MAP7: variants seen among roughly 807,000 people sequenced by gnomAD.
MAP7 encodes ensconsin.
MAP7 carries 52 observed loss-of-function variants against 94.8 expected under a neutral mutation model. The observed-to-expected ratio is 0.55, with a 90% CI of 0.44 to 0.69. MAP7 has a LOEUF of 0.69. MAP7 is among the 30% of genes least tolerant of loss of function. The pLI is 0.00. For synonymous variants in MAP7, 350 were observed against 357.0 expected, an observed-to-expected ratio of 0.98 and a Z score of 0.22; for missense variants, 940 against 964.6, an observed-to-expected ratio of 0.97 and a Z score of 0.34.
chr6:136,442,080 T>C (rs1013656890), intron 1 of MAP7, among the ~76,000 whole-genome samples: 1 of 151,500 alleles, frequency 6.6e-6, no homozygotes, highest in Admixed American at 6.6e-5. Context: ...CTGCCATGAG[T>C]TTTTGGATCA....
chr6:136,497,681 C>T (rs1818676950), intron 1 of MAP7, among the ~76,000 whole-genome samples: 1 of 151,372 alleles, frequency 6.6e-6, no homozygotes, highest in Non-Finnish European at 1.5e-5. Context: ...CATCTGTAAT[C>T]CCAGCTACTC....
intron 16 of MAP7, among the ~76,000 whole-genome samples, chr6:136,352,151 CA>C (rs1789402725): frequency 6.6e-6 from 1 of 151,588 alleles, no homozygotes; most frequent in Non-Finnish European, 1.5e-5. Context: ...TTGGGTGCAA[CA>C]CTAGGGTATG....
At chr6:136,431,031 G>A (rs1794748498) in intron 1 of MAP7, among the ~76,000 whole-genome samples, 1 of 152,156 alleles carries the variant, frequency 6.6e-6, no homozygotes, top group African/African-American at 2.4e-5. Flanking sequence ...CACGCTTGAC[G>A]ATGCACTTTC....
intron 1 of MAP7, among the ~76,000 whole-genome samples, chr6:136,532,092 A>G (rs1828517457): frequency 6.6e-6 from 1 of 152,228 alleles, no homozygotes; most frequent in Non-Finnish European, 1.5e-5. Flanking sequence ...GTTCAACTGG[A>G]CAGGTACAAA....
intron 3 of MAP7, among the ~76,000 whole-genome samples, chr6:136,394,173 C>T (rs934753137): frequency 3.2e-4 from 48 of 151,862 alleles, no homozygotes; most frequent in Non-Finnish European, 6.3e-4. Flanking sequence ...TTAATAGAGA[C>T]GGGGTTTCAC....
intron 1 of MAP7, among the ~76,000 whole-genome samples, chr6:136,462,136 T>C (rs755873865): frequency 1.3e-4 from 19 of 145,682 alleles, no homozygotes; most frequent in Non-Finnish European, 2.2e-4. Flanking sequence ...GGGGTTCCAA[T>C]CTAGCCTGGG....
intron 1 of MAP7, among the ~76,000 whole-genome samples, chr6:136,447,016 T>C (rs1272831126): frequency 1.3e-5 from 2 of 152,212 alleles, no homozygotes; most frequent in Non-Finnish European, 2.9e-5. Context: ...CCTGACATCA[T>C]AAGTCCATGG....
At chr6:136,380,179 A>G (rs540734929) in intron 6 of MAP7, among the ~76,000 whole-genome samples, 1 of 152,310 alleles carries the variant, frequency 6.6e-6, no homozygotes, top group South Asian at 2.1e-4. Flanking sequence ...AGATGAAGAG[A>G]GGCAAACTCA....
intron 1 of MAP7, among the ~76,000 whole-genome samples, chr6:136,443,601 C>T (rs1226606344): frequency 6.6e-6 from 1 of 152,028 alleles, no homozygotes. Context: ...CAAGTGCACA[C>T]CACCAGACCT....
In MAP7 at chr6:136,361,123, T is replaced by A. The variant is rs777275337; in HGVS notation, c.1583A>T (p.Glu528Val). The change falls in exon 12 of 18, where the codon GAG (glutamate) becomes GTG (valine). Residue 528 changes from glutamate to valine, a missense_variant. By Grantham distance (121) the Glu-to-Val change is moderately radical. Transcript: ENST00000354570. Reference protein sequence around the residue: ...RVAEERTTRREEESRRLEAEQ... With the variant: ...RVAEERTTRRVEESRRLEAEQ... ...GGCTTCCAGCCTGCGCGACTCCTCC[T>A]CACGGCGAGTCGTCCTCTCTTCAGC... 2 of 1,605,526 alleles carry A rather than the reference T, an allele frequency of 1.2e-6. No homozygotes were observed. The highest frequency in any genetic ancestry group is 1.7e-6 in the Non-Finnish European group (2 of 1,179,802).
At chr6:136,402,875 C>T (rs1282010983) in intron 3 of MAP7, among the ~76,000 whole-genome samples, 2 of 125,472 alleles carry the variant, frequency 1.6e-5, no homozygotes, top group Non-Finnish European at 3.2e-5. Context: ...CACTGCACTC[C>T]GGCCTGGGCG....
At chr6:136,496,290 G>A (rs1055327006) in intron 1 of MAP7, among the ~76,000 whole-genome samples, 1 of 152,180 alleles carries the variant, frequency 6.6e-6, no homozygotes, top group Non-Finnish European at 1.5e-5. Context: ...AGAAGCCTTA[G>A]TTGTCACAAA....
intron 1 of MAP7, among the ~76,000 whole-genome samples, chr6:136,432,472 C>G (rs1795220272): frequency 6.6e-6 from 1 of 152,108 alleles, no homozygotes; most frequent in Non-Finnish European, 1.5e-5. Context: ...GTTTTAATAA[C>G]ATTTGTAATA....
At chr6:136,493,359 G>A (rs1817276560) in intron 1 of MAP7, among the ~76,000 whole-genome samples, 1 of 152,062 alleles carries the variant, frequency 6.6e-6, no homozygotes, top group African/African-American at 2.4e-5. Context: ...CTGACCTCAG[G>A]TGATCCGCCC....
chr6:136,409,892 G>C (rs1786893882), intron 3 of MAP7, among the ~76,000 whole-genome samples: 1 of 152,146 alleles, frequency 6.6e-6, no homozygotes. Flanking sequence ...GTCATGTCCT[G>C]TGTTATCAAT....
intron 1 of MAP7, among the ~76,000 whole-genome samples, chr6:136,508,478 GTTAAC>G (rs920295625): frequency 7.2e-5 from 11 of 152,138 alleles, no homozygotes; most frequent in African/African-American, 2.2e-4. Flanking sequence ...TTTATCAAAT[GTTAAC>G]TTAACAGAGA....
At chr6:136,497,116 G>A (rs2129002145) in intron 1 of MAP7, among the ~76,000 whole-genome samples, 1 of 152,200 alleles carries the variant, frequency 6.6e-6, no homozygotes, top group East Asian at 1.9e-4. Context: ...TGAGGACAGA[G>A]CTTCTCCTAA....
At chr6:136,406,143 G>C (rs1473849667) in intron 3 of MAP7, among the ~76,000 whole-genome samples, 3 of 152,090 alleles carry the variant, frequency 2.0e-5, no homozygotes, top group Non-Finnish European at 4.4e-5. Context: ...TCTAGTAATG[G>C]TTTCTGAAGA....
intron 8 of MAP7, among the ~76,000 whole-genome samples, chr6:136,371,100 G>T (rs1306816577): frequency 6.6e-6 from 1 of 151,360 alleles, no homozygotes; most frequent in East Asian, 2.0e-4. Context: ...GAGGTAAAAA[G>T]ACAGCTATGT....
Sources: gnomAD v4.1 joint callset for allele counts (sites outside exome capture counted in the v4.1 genomes callset) on GRCh38, gnomAD v4.1.1 for gene constraint, MANE v1.5 for transcripts, NCBI Gene and HGNC (gene_info 2026-07-23, HGNC 2026-07-21) for gene names.